The following POLR1B variants were observed in gnomAD, a reference collection of about 807,000 sequenced individuals.
POLR1B encodes the protein DNA-directed RNA polymerase I subunit RPA2.
Under a neutral mutation model 105.8 loss-of-function variants are expected in POLR1B, and 30 were observed. The observed-to-expected ratio is 0.28, with a 90% confidence interval of 0.21 to 0.38. POLR1B has a LOEUF of 0.38. POLR1B is among the 10% of genes least tolerant of loss of function. The pLI, the probability that POLR1B is intolerant of heterozygous loss-of-function variation, is 1.00. For missense variants in POLR1B, 976 were observed against 1,435.8 expected (o/e 0.68, Z 5.17); for synonymous variants, 485 against 505.1 (o/e 0.96, Z 0.53).
Position 112,575,511 on chromosome 2 carries a change from C to A in POLR1B, c.3190C>A (p.Arg1064=). ...LHDRLFNCSD[R]SVAHVCVKCG... is the part of the protein sequence containing the mutation. ...TGACCGCCTCTTCAACTGCTCAGAT[C>A]GGTCGGTAGCCCATGTGTGTGTGAA... The change falls in exon 15 of 15, where the codon CGG becomes AGG. Residue 1064 remains arginine, a synonymous_variant. Transcript: ENST00000263331. This position sits in a 1 kb window ranked among gnomAD's most constrained non-coding sequence, Gnocchi z 5.3. 1.9e-6 allele frequency: 3 copies of A among 1,614,160 alleles called. No homozygotes were observed. The highest frequency in any genetic ancestry group is 2.5e-6 in the Non-Finnish European group (3 of 1,180,042).
At chr2:112,542,297 C>T (rs1682789960), upstream of POLR1B, 5 of 1,528,382 alleles carry the variant, frequency 3.3e-6, no homozygotes, top group Non-Finnish European at 4.4e-6. Flanking sequence ...CCTTAATCGG[C>T]CCGTTCACTC....
rs768957666 is a variant in POLR1B at position 112,542,524 on chromosome 2, G to C, written c.30G>C (p.Leu10=). MDPGSRWRN[L]PSGPSLKHLT... ...ATCCTGGCAGCCGGTGGCGGAACCT[G>C]CCCAGCGGGCCTAGCCTAAAGCACT... is the stretch of plus-strand genomic sequence containing the variant. The change falls in exon 1 of 15, where the codon CTG becomes CTC. Residue 10 remains leucine, a synonymous_variant. Transcript: ENST00000263331. 1 of 1,613,954 alleles carries C rather than the reference G, an allele frequency of 6.2e-7. No individual in the cohort carries two copies. Among genetic ancestry groups the C allele is most frequent in the African/African-American group, 1.3e-5 (1 of 74,932 alleles).
chr2:112,567,628 T>G (rs1684358453), intron 10 of POLR1B, among the ~76,000 whole-genome samples: 1 of 152,116 alleles, frequency 6.6e-6, no homozygotes, highest in Admixed American at 6.6e-5. Flanking sequence ...ATCCACCCAC[T>G]TTGGCCTCCT....
rs70965010 is a variant in POLR1B at position 112,562,728 on chromosome 2, CT to C, written c.1613-1621del. ...TGGCTTGTGACAATTTCTTTTTTTT[CT>C]TTTTTTTTTTTTTTTTGCGACGGAG... On this transcript the variant is annotated intron_variant, in intron 9 of 14. Transcript: ENST00000263331. Among the ~76,000 whole-genome samples, 110 of 120,638 alleles carry C rather than the reference CT, an allele frequency of 9.1e-4. 1 individual carries two copies. Among genetic ancestry groups the C allele is most frequent in the South Asian group, 1.1e-3 (4 of 3,776 alleles). 79.1% of individuals were successfully genotyped at this position (120,638 alleles called of 152,430 possible). A position where few individuals can be genotyped will look rare whatever the true frequency, so the allele number is the denominator to read the frequency against.
intron 4 of POLR1B, 24 bp downstream of exon 4, chr2:112,549,423 T>C: frequency 6.6e-7 from 1 of 1,505,488 alleles, no homozygotes; most frequent in Non-Finnish European, 8.9e-7. Flanking sequence ...ATTATTAGAA[T>C]ATTTTTTAAG....
At position 112,568,033 on chromosome 2, in the gene POLR1B, A is replaced by G; in HGVS notation, c.1813A>G (p.Ser605Gly). 2 of 1,614,058 alleles carry G rather than the reference A, an allele frequency of 1.2e-6. No homozygotes were observed. The highest frequency in any genetic ancestry group is 1.7e-6 in the Non-Finnish European group (2 of 1,179,982). The change falls in exon 11 of 15, where the codon AGT becomes GGT. Residue 605 changes from serine (S) to glycine (G), a missense_variant. Physicochemically the swap from Ser to Gly is moderately conservative, Grantham distance 56. Around this residue, in one of 12 missense-constraint regions of POLR1B, gnomAD observed 184 missense variants for 197.4 expected, o/e 0.93. Transcript: ENST00000263331. ...CCTTATACCCATGACAGGAAAACCA[A>G]GTCTGTACCCAGGATTGTTCCTTTT... ...VVLIPMTGKP[S>G]LYPGLFLFTT...
chr2:112,547,614 G>A lies in POLR1B; in HGVS notation c.492+47G>A, dbSNP rs370981466. The A allele has an allele frequency of 6.1e-4, 955 of 1,577,270 alleles. 1 individual carries two copies. The highest frequency in any genetic ancestry group is 7.8e-4 in the Non-Finnish European group (903 of 1,160,418). On this transcript the variant is annotated intron_variant, in intron 3 of 14. Coordinates refer to ENST00000263331, the MANE Select transcript of POLR1B (RefSeq NM_019014.6). Reference sequence around the variant, plus strand: ...TGAGACAGTAGAGAAGGCCTGGGTTGGGAGTAAGAAGACAAGAAGTGTGTC... The same window carrying A: ...TGAGACAGTAGAGAAGGCCTGGGTTAGGAGTAAGAAGACAAGAAGTGTGTC...
At chr2:112,546,462 T>A (rs1463719038) in intron 1 of POLR1B, among the ~76,000 whole-genome samples, 1 of 150,890 alleles carries the variant, frequency 6.6e-6, no homozygotes, top group Non-Finnish European at 1.5e-5. Context: ...CTCTGACACA[T>A]GTGGTCACTC....
rs2104589936 is a variant in POLR1B, at chr2:112,577,904, C to T, written c.*2175C>T. 6.6e-6 allele frequency among the ~76,000 whole-genome samples: 1 copy of T among 150,914 alleles called. No individual in the cohort carries two copies. On this transcript the variant is annotated 3_prime_UTR_variant, in exon 15 of 15. Transcript: ENST00000263331. ...TTAATAGAAAAGATAGGCTTTGCTT[C>T]AGGAAGCTGGTTGAGAAGAAGAAGG...
rs769347514 is a variant in POLR1B at position 112,547,378 on chromosome 2, C to T, written c.346-43C>T. 1.3e-5 allele frequency: 21 copies of T among 1,586,240 alleles called. No homozygotes were observed. The South Asian group carries it at 2.0e-4, about 15-fold the overall frequency. On this transcript the variant is annotated intron_variant, in intron 2 of 14. Transcript: ENST00000263331. ...AAATACTCATTTGTTCTCGTAAATG[C>T]AGATATTTCTGTTAAGTAACTTTTT...
At position 112,568,742 on chromosome 2, in the gene POLR1B, C is replaced by T. The variant is rs367865505; in HGVS notation, c.1918-4C>T. The stretch of plus-strand genomic sequence containing the variant: ...TTTTGTGCCTTGGACATCTGCTCTT[C>T]CAGATCTTCATGAATGTCGCTATCT... On this transcript the variant is annotated splice_region_variant and splice_polypyrimidine_tract_variant and intron_variant, in intron 11 of 14. Coordinates refer to ENST00000263331, the MANE Select transcript of POLR1B (RefSeq NM_019014.6). The T allele has an allele frequency of 2.5e-6, 4 of 1,613,604 alleles. No individual in the cohort carries two copies. Among genetic ancestry groups the T allele is most frequent in the Admixed American group, 1.7e-5 (1 of 59,962 alleles).
Position 112,568,761 on chromosome 2 carries a change from G to A in POLR1B, c.1933G>A (p.Ala645Thr), listed in dbSNP as rs760748470. 5.6e-6 allele frequency: 9 copies of A among 1,613,756 alleles called. No homozygotes were observed. The highest frequency in any genetic ancestry group is 2.7e-5 in the African/African-American group (2 of 74,874). ...GCTCTTCCAGATCTTCATGAATGTC[G>A]CTATCTTTGAGGATGAAGTTTTTGC... ...GTMEQIFMNV[A>T]IFEDEVFAGV... is the part of the protein sequence containing the mutation. Residue 645 changes from alanine (A) to threonine (T), a missense_variant, in exon 12 of 15, where the codon GCT becomes ACT. Ala to Thr is a moderately conservative substitution (Grantham distance 58, BLOSUM62 0). Around this residue, in one of 12 missense-constraint regions of POLR1B, gnomAD observed 184 missense variants for 197.4 expected, o/e 0.93. Coordinates refer to ENST00000263331, the MANE Select transcript of POLR1B (RefSeq NM_019014.6).
At position 112,577,280 on chromosome 2, in the gene POLR1B, A is replaced by G. The variant is rs1365882650; in HGVS notation, c.*1551A>G. ...CTTAGCAGGATGGGCGCAGTGGCTC[A>G]CGCCACTAATCCCAACATTTTAGGA... On this transcript the variant is annotated 3_prime_UTR_variant, in exon 15 of 15. Transcript: ENST00000263331. 1 of 152,242 alleles carries G rather than the reference A, an allele frequency of 6.6e-6. No homozygotes were observed. The highest frequency in any genetic ancestry group is 1.5e-5 in the Non-Finnish European group (1 of 68,058). 9.4% of individuals were successfully genotyped at this position (152,242 alleles called of 1,614,324 possible).
Position 112,573,686 on chromosome 2 carries a change from G to T in POLR1B, c.2396G>T (p.Gly799Val). Residue 799 changes from glycine to valine, a missense_variant, in exon 14 of 15, where the codon GGT becomes GTT. Gly to Val is a moderately radical substitution (Grantham distance 109). Around this residue, in one of 12 missense-constraint regions of POLR1B, gnomAD observed 119 missense variants for 149.7 expected, o/e 0.79. Transcript: ENST00000263331. ...AGCCTGGTGTTTGGCATCAAACCTG[G>T]TGACCCACGCGTTCTGCAGAAGTTA... ...DSSLVFGIKP[G>V]DPRVLQKLDD... The T allele has an allele frequency of 6.2e-7, 1 of 1,614,160 alleles. No homozygotes were observed. The highest frequency in any genetic ancestry group is 1.1e-5 in the South Asian group (1 of 91,086).
chr2:112,542,854 G>A (rs1023980602), intron 1 of POLR1B, 183 bp downstream of exon 1: 31 of 696,212 alleles, frequency 4.5e-5, no homozygotes, highest in Non-Finnish European at 5.9e-5. Context: ...TTGGAGTCGA[G>A]GCGTCTTAAG....
chr2:112,573,907 AG>A, intron 14 of POLR1B, 92 bp downstream of exon 14: 1 of 1,451,332 alleles, frequency 6.9e-7, no homozygotes. Flanking sequence ...AGTGCAGTGG[AG>A]TGATCTCAGC....
Position 112,578,036 on chromosome 2 carries a change from A to C in POLR1B, c.*2307A>C, listed in dbSNP as rs1684944284. On this transcript the variant is annotated 3_prime_UTR_variant, in exon 15 of 15. Coordinates refer to ENST00000263331, the MANE Select transcript of POLR1B (RefSeq NM_019014.6). ...TGGCTACTGAATGATCCCACAGCTG[A>C]GGTCTATTGTCATCGCTCCACTTCT... Among the ~76,000 whole-genome samples the C allele has an allele frequency of 6.6e-6, 1 of 152,152 alleles. No homozygotes were observed. Among genetic ancestry groups the C allele is most frequent in the Admixed American group, 6.6e-5 (1 of 15,266 alleles).
rs1280999208 is a variant in POLR1B at position 112,542,528 on chromosome 2, A to G, written c.34A>G (p.Ser12Gly). 6.2e-7 allele frequency: 1 copy of G among 1,614,016 alleles called. No homozygotes were observed. Among genetic ancestry groups the G allele is most frequent in the Admixed American group, 1.7e-5 (1 of 60,020 alleles). ...DPGSRWRNLP[S>G]GPSLKHLTDP... is the part of the protein sequence containing the mutation. ...TGGCAGCCGGTGGCGGAACCTGCCC[A>G]GCGGGCCTAGCCTAAAGCACTTGAC... Residue 12 changes from serine (S) to glycine (G), a missense_variant, in exon 1 of 15, where the codon AGC becomes GGC. This residue lies in a region of POLR1B where 452 missense variants were observed against 616.5 expected (regional missense o/e 0.73). Coordinates refer to ENST00000263331, the MANE Select transcript of POLR1B (RefSeq NM_019014.6).
rs906025203 is a variant in POLR1B, at chr2:112,567,914, G to C, written c.1747-53G>C. 5 of 1,499,612 alleles carry C rather than the reference G, an allele frequency of 3.3e-6. No homozygotes were observed. The African/African-American group carries it at 6.9e-5, about 21-fold the overall frequency. The allele number at this position is 1,499,612 out of a possible 1,614,324, so 92.9% of individuals were successfully genotyped here. A position where few individuals can be genotyped will look rare whatever the true frequency, so the allele number is the denominator to read the frequency against. On this transcript the variant is annotated intron_variant, in intron 10 of 14. Transcript: ENST00000263331. ...TTCCATGGGGCATAAGACTGGCAGC[G>C]ACAGCCATGGCCTTGGGACAGGTTT...
Sources: gnomAD v4.1 joint callset for allele counts (sites outside exome capture counted in the v4.1 genomes callset) on GRCh38, gnomAD v4.1.1 for gene constraint, gnomAD v4.1.1 regional missense constraint, Gnocchi (gnomAD v3.1) non-coding constraint, MANE v1.5 for transcripts, NCBI Gene and HGNC (gene_info 2026-07-23, HGNC 2026-07-21) for gene names.